Variants in TENM3 observed in about 807,000 individuals in gnomAD.
The protein encoded by TENM3 is teneurin-3.
In TENM3, 63 loss-of-function variants were observed where a neutral mutation model predicts 255.1. The ratio of observed to expected loss-of-function variants is 0.25; its 90% CI spans 0.20 to 0.30. TENM3 has a LOEUF of 0.30. Ranked by LOEUF, TENM3 falls within the 10% of genes least tolerant of loss-of-function variation. The pLI is 1.00. For missense variants in TENM3, 2,929 were observed against 3,461.1 expected, an observed-to-expected ratio of 0.85 and a Z score of 3.86; for synonymous variants, 1,306 against 1,322.3, an observed-to-expected ratio of 0.99 and a Z score of 0.27.
chr4:182,555,043 AG>A (rs756885050), intron 3 of TENM3, among the ~76,000 whole-genome samples: 9 of 152,204 alleles, frequency 5.9e-5, no homozygotes, highest in African/African-American at 9.7e-5. Context: ...TTCCAAAAAA[AG>A]AAATCAGTGA....
chr4:181,781,519 C>A, the TENM3 span, among the ~76,000 whole-genome samples: 2 of 152,166 alleles, frequency 1.3e-5, no homozygotes, highest in Admixed American at 1.3e-4. Flanking sequence ...AGATTTGGGG[C>A]TGAGATGATG....
the TENM3 span, among the ~76,000 whole-genome samples, chr4:181,745,813 C>T: frequency 6.6e-6 from 1 of 152,100 alleles, no homozygotes; most frequent in Non-Finnish European, 1.5e-5. Context: ...ATAATATGAA[C>T]ACCCAGAAGC....
intron 25 of TENM3, among the ~76,000 whole-genome samples, chr4:182,790,233 G>A (rs1232784742): frequency 6.6e-6 from 1 of 152,098 alleles, no homozygotes; most frequent in Non-Finnish European, 1.5e-5. Context: ...TCAGACCCCA[G>A]AGCATGGCAC....
At chr4:181,969,369 C>T in the TENM3 span, among the ~76,000 whole-genome samples, 3 of 152,112 alleles carry the variant, frequency 2.0e-5, no homozygotes, top group Admixed American at 6.6e-5. Context: ...TTCTATGTTG[C>T]GACATCAGTC....
the TENM3 span, among the ~76,000 whole-genome samples, chr4:181,626,836 A>G: frequency 6.6e-6 from 1 of 152,250 alleles, no homozygotes; most frequent in Non-Finnish European, 1.5e-5. Context: ...ACATAATCAG[A>G]GATGCATTTA....
the TENM3 span, among the ~76,000 whole-genome samples, chr4:181,470,985 GT>G: frequency 6.6e-6 from 1 of 151,958 alleles, no homozygotes; most frequent in South Asian, 2.1e-4. Flanking sequence ...GGTTTGTGGT[GT>G]TTTTTTCTTA....
At chr4:181,795,877 A>G in the TENM3 span, among the ~76,000 whole-genome samples, 1 of 152,180 alleles carries the variant, frequency 6.6e-6, no homozygotes, top group Non-Finnish European at 1.5e-5. Context: ...TTTGTGTTTT[A>G]GATAGATGTC....
chr4:182,610,180 A>G (rs1386347217), intron 4 of TENM3, among the ~76,000 whole-genome samples: 1 of 152,238 alleles, frequency 6.6e-6, no homozygotes, highest in South Asian at 2.1e-4. Context: ...TGTAACAGTG[A>G]TAATATGGGA....
At chr4:182,247,212 CA>C (rs1477543892) in intron 1 of TENM3, among the ~76,000 whole-genome samples, 1 of 152,070 alleles carries the variant, frequency 6.6e-6, no homozygotes, top group Non-Finnish European at 1.5e-5. Flanking sequence ...GGTGCTGCAG[CA>C]AGAAATTGAC....
the TENM3 span, among the ~76,000 whole-genome samples, chr4:181,686,678 A>T: frequency 6.6e-6 from 1 of 152,200 alleles, no homozygotes; most frequent in Non-Finnish European, 1.5e-5. Flanking sequence ...CTATAAAATT[A>T]ATGCAGCTGC....
the TENM3 span, among the ~76,000 whole-genome samples, chr4:181,711,978 TG>T: frequency 6.6e-6 from 1 of 152,230 alleles, no homozygotes; most frequent in Non-Finnish European, 1.5e-5. Context: ...CCGTTATTTT[TG>T]TTTTGATATA....
chr4:181,865,581 G>A, the TENM3 span, among the ~76,000 whole-genome samples: 1 of 152,186 alleles, frequency 6.6e-6, no homozygotes, highest in African/African-American at 2.4e-5. Context: ...AAAGAGGAGG[G>A]GCTGAAGGCC....
chr4:182,178,188 T>C (rs575418232), intron 1 of TENM3, among the ~76,000 whole-genome samples: 2 of 152,204 alleles, frequency 1.3e-5, no homozygotes, highest in Non-Finnish European at 2.9e-5. Flanking sequence ...CTCAAACTTC[T>C]ATGCCTTTAA....
chr4:181,598,688 G>GA, the TENM3 span, among the ~76,000 whole-genome samples: 5,824 of 112,556 alleles, frequency 0.052, 121 homozygotes, highest in Middle Eastern at 0.065. Flanking sequence ...ACAAGCATAA[G>GA]AAAAAAAAAA....
At chr4:182,702,442 T>G (rs1222781111) in intron 12 of TENM3, among the ~76,000 whole-genome samples, 2 of 152,214 alleles carry the variant, frequency 1.3e-5, no homozygotes, top group Non-Finnish European at 2.9e-5. Flanking sequence ...GACTTTTTCT[T>G]TTCTTCATAG....
chr4:182,507,830 G>T (rs10520534), intron 3 of TENM3, among the ~76,000 whole-genome samples: 1 of 152,108 alleles, frequency 6.6e-6, no homozygotes, highest in African/African-American at 2.4e-5. Context: ...AGATCTTAGA[G>T]ACCTTAGAAT....
the TENM3 span, among the ~76,000 whole-genome samples, chr4:181,886,205 A>C: frequency 1.3e-5 from 2 of 152,020 alleles, no homozygotes; most frequent in African/African-American, 4.8e-5. Context: ...GGCGCGTGCC[A>C]CCACACCCAG....
chr4:182,639,570 A>G lies in TENM3; in HGVS notation c.988+10681A>G, dbSNP rs890323478. On this transcript the variant is annotated intron_variant, in intron 5 of 27. Coordinates refer to ENST00000511685, the MANE Select transcript of TENM3 (RefSeq NM_001080477.4). ...AAGGAACCATAATCTAGGTCTCCTT[A>G]TTTTAAGTCCAGAACTTTTCCCACT... Among the ~76,000 whole-genome samples, 19 of 152,328 alleles carry G rather than the reference A, an allele frequency of 1.2e-4. No homozygotes were observed. The East Asian group carries it at 3.7e-3, about 29-fold the overall frequency.
At chr4:182,450,158 C>G (rs1368268900) in intron 3 of TENM3, among the ~76,000 whole-genome samples, 1 of 152,212 alleles carries the variant, frequency 6.6e-6, no homozygotes, top group Admixed American at 6.5e-5. Flanking sequence ...AAAGCAGATT[C>G]ACGTCTGGAG....
Sources: allele counts gnomAD v4.1 joint callset (sites outside exome capture counted in the v4.1 genomes callset), GRCh38; gene constraint gnomAD v4.1.1; transcripts MANE v1.5; gene names NCBI Gene and HGNC (gene_info 2026-07-23, HGNC 2026-07-21).